Variants in PRKCB observed in about 807,000 individuals in gnomAD.
PRKCB encodes the protein protein kinase C beta type.
A neutral mutation model predicts 81.5 loss-of-function variants in PRKCB; 13 were observed. The ratio of observed to expected loss-of-function variants is 0.16; its 90% CI spans 0.10 to 0.25. The LOEUF (loss-of-function observed/expected upper bound fraction) is 0.25, where lower values mean the gene tolerates loss of function less well. PRKCB is among the 10% of genes least tolerant of loss of function. The pLI is 1.00. For synonymous variants in PRKCB, 335 were observed against 321.4 expected, an observed-to-expected ratio of 1.04 and a Z score of -0.45; for missense variants, 509 against 875.7, an observed-to-expected ratio of 0.58 and a Z score of 5.29.
At chr16:23,899,642 C>CTGTG (rs1171442347) in intron 2 of PRKCB, among the ~76,000 whole-genome samples, 2 of 5,068 alleles carry the variant, frequency 3.9e-4, no homozygotes, top group African/African-American at 4.8e-4. Context: ...CTCTCTCTCT[C>CTGTG]TCTGTGTGTG....
At chr16:24,106,157 G>A (rs1206680812) in intron 7 of PRKCB, among the ~76,000 whole-genome samples, 1 of 151,782 alleles carries the variant, frequency 6.6e-6, no homozygotes, top group Admixed American at 6.6e-5. Flanking sequence ...CAGACTTCCC[G>A]GGTTAGAATT....
chr16:23,889,357 C>A (rs1963255619), intron 2 of PRKCB, among the ~76,000 whole-genome samples: 1 of 152,216 alleles, frequency 6.6e-6, no homozygotes, highest in Admixed American at 6.5e-5. Flanking sequence ...ACAGAGCCTA[C>A]CTTACGGCAT....
chr16:24,142,606 A>G (rs1966917500), intron 9 of PRKCB, among the ~76,000 whole-genome samples: 1 of 152,168 alleles, frequency 6.6e-6, no homozygotes, highest in South Asian at 2.1e-4. Flanking sequence ...TGGCCCAAGC[A>G]TCGGCTTCTA....
At chr16:24,175,432 AC>A (rs34625833) in intron 12 of PRKCB, among the ~76,000 whole-genome samples, 51,511 of 151,260 alleles carry the variant, frequency 0.34, 8,996 homozygotes, top group South Asian at 0.46. Flanking sequence ...AACAGATGAA[AC>A]CCCTTGCCCC....
intron 5 of PRKCB, among the ~76,000 whole-genome samples, chr16:24,068,191 A>C (rs1328416852): frequency 6.6e-6 from 1 of 152,176 alleles, no homozygotes; most frequent in Non-Finnish European, 1.5e-5. Context: ...CTAGCACCAT[A>C]AGCCTGACAA....
At chr16:24,088,981 C>G (rs964367129) in intron 5 of PRKCB, among the ~76,000 whole-genome samples, 4 of 152,176 alleles carry the variant, frequency 2.6e-5, no homozygotes, top group Non-Finnish European at 5.9e-5. Context: ...GACAGACAAG[C>G]TTCTGGCGCA....
At chr16:24,180,697 C>A in intron 12 of PRKCB, 93 bp from the exon 13 acceptor site, 1 of 1,438,496 alleles carries the variant, frequency 7.0e-7, no homozygotes, top group Non-Finnish European at 9.6e-7. Flanking sequence ...CACACAACAC[C>A]TAACACAGTG....
intron 2 of PRKCB, chr16:23,869,163 G>C (rs1012004743): frequency 2.2e-6 from 1 of 453,070 alleles, no homozygotes; most frequent in Non-Finnish European, 4.4e-6. Flanking sequence ...CCAATGGAAC[G>C]TGAGCAGACA....
intron 9 of PRKCB, chr16:24,151,680 G>A (rs1967081445): frequency 2.5e-6 from 1 of 406,482 alleles, no homozygotes; most frequent in Non-Finnish European, 5.0e-6. Flanking sequence ...AGTGGGAGTC[G>A]AATGTTCAAA....
At chr16:24,105,265 C>G (rs1044433726) in intron 7 of PRKCB, among the ~76,000 whole-genome samples, 1 of 152,134 alleles carries the variant, frequency 6.6e-6, no homozygotes, top group African/African-American at 2.4e-5. Context: ...CCATGTTGGC[C>G]AGGCTGGTCT....
chr16:24,043,328 A>G (rs1965725862), intron 5 of PRKCB, among the ~76,000 whole-genome samples: 1 of 152,168 alleles, frequency 6.6e-6, no homozygotes, highest in Admixed American at 6.5e-5. Flanking sequence ...AGAAACTTTG[A>G]AAATTGGAAA....
chr16:24,208,554 C>T (rs1352982552), intron 16 of PRKCB: 1 of 152,190 alleles, frequency 6.6e-6, no homozygotes, highest in African/African-American at 2.4e-5. Flanking sequence ...GTTTCTGGCC[C>T]CCATTCCTGT....
intron 8 of PRKCB, among the ~76,000 whole-genome samples, chr16:24,121,278 GT>G (rs1181736201): frequency 1.3e-5 from 2 of 152,310 alleles, no homozygotes; most frequent in East Asian, 3.9e-4. Flanking sequence ...TAGAATGCAC[GT>G]TTTTTCAGAG....
intron 5 of PRKCB, among the ~76,000 whole-genome samples, chr16:24,083,160 AAAT>A (rs1467547615): frequency 1.3e-5 from 2 of 152,176 alleles, no homozygotes; most frequent in African/African-American, 4.8e-5. Context: ...AGAATGGCTA[AAAT>A]AATGATGATA....
At chr16:23,889,156 ATCCATCCATCCATCCG>A (rs1273466249) in intron 2 of PRKCB, among the ~76,000 whole-genome samples, 12 of 140,012 alleles carry the variant, frequency 8.6e-5, no homozygotes, top group Non-Finnish European at 1.5e-4. Context: ...CCATCCATCC[ATCCATCCATCCATCCG>A]TCCATCCACA....
intron 9 of PRKCB, among the ~76,000 whole-genome samples, chr16:24,130,153 T>TTAAAGG (rs1372971687): frequency 9.8e-5 from 15 of 152,314 alleles, no homozygotes; most frequent in Admixed American, 9.8e-4. Context: ...AATGATTATT[T>TTAAAGG]TAAAGGTAAA....
chr16:24,047,065 G>T (rs533106510), intron 5 of PRKCB, among the ~76,000 whole-genome samples: 1 of 152,142 alleles, frequency 6.6e-6, no homozygotes, highest in East Asian at 1.9e-4. Flanking sequence ...TAGGCAGGGT[G>T]CGGTGGCTCA....
chr16:24,014,412 A>G (rs1191807705), intron 3 of PRKCB, among the ~76,000 whole-genome samples: 3 of 152,192 alleles, frequency 2.0e-5, no homozygotes, highest in Admixed American at 6.5e-5. Flanking sequence ...CCCGGCCTGC[A>G]CAGGAAGAGG....
intron 5 of PRKCB, among the ~76,000 whole-genome samples, chr16:24,059,052 G>C (rs1965940765): frequency 6.6e-6 from 1 of 152,178 alleles, no homozygotes; most frequent in African/African-American, 2.4e-5. Flanking sequence ...GCCAATTAGG[G>C]TTAGAAGTCA....
Sources: gnomAD v4.1 joint callset for allele counts (sites outside exome capture counted in the v4.1 genomes callset) on GRCh38, gnomAD v4.1.1 for gene constraint, MANE v1.5 for transcripts, NCBI Gene and HGNC (gene_info 2026-07-23, HGNC 2026-07-21) for gene names.